The following SCN11A variants were observed in gnomAD, a reference collection of about 807,000 sequenced individuals.
The protein encoded by SCN11A is sodium channel protein type 11 subunit alpha.
A neutral mutation model predicts 162.2 loss-of-function variants in SCN11A; 122 were observed. The observed-to-expected ratio is 0.75, with a 90% CI of 0.65 to 0.87. The LOEUF is 0.87. SCN11A is among the 40% of genes least tolerant of loss of function. The pLI is 0.00. For synonymous variants in SCN11A, 758 were observed against 751.5 expected (o/e 1.01, Z -0.14); for missense variants, 2,015 against 2,181.6 (o/e 0.92, Z 1.52).
At chr3:38,932,035 T>G (rs779724778) in intron 7 of SCN11A, among the ~76,000 whole-genome samples, 1 of 152,200 alleles carries the variant, frequency 6.6e-6, no homozygotes, top group Admixed American at 6.5e-5. Context: ...CAAATGTTAC[T>G]ATAAACATCC....
At chr3:38,872,915 C>T (rs1426307581) in intron 23 of SCN11A, among the ~76,000 whole-genome samples, 3 of 152,062 alleles carry the variant, frequency 2.0e-5, no homozygotes, top group Admixed American at 2.0e-4. Flanking sequence ...CAACATTTTT[C>T]TTAGTTTGAA....
At chr3:39,047,316 C>A (rs1575373868) in intron 1 of SCN11A, among the ~76,000 whole-genome samples, 1 of 151,854 alleles carries the variant, frequency 6.6e-6, no homozygotes, top group East Asian at 1.9e-4. Context: ...GAAAACTGAC[C>A]CCCTATATGA....
At chr3:38,911,134 T>C (rs1266065867) in intron 11 of SCN11A, among the ~76,000 whole-genome samples, 1 of 152,228 alleles carries the variant, frequency 6.6e-6, no homozygotes, top group Non-Finnish European at 1.5e-5. Context: ...AACTTCTTGC[T>C]ATGGTAGACA....
intron 29 of SCN11A, among the ~76,000 whole-genome samples, chr3:38,848,897 G>A (rs2064723249): frequency 6.6e-6 from 1 of 152,298 alleles, no homozygotes; most frequent in African/African-American, 2.4e-5. Flanking sequence ...TTAGGAAAGA[G>A]CTTGGAAAAG....
intron 12 of SCN11A, among the ~76,000 whole-genome samples, chr3:38,909,745 G>A (rs1170556777): frequency 6.6e-6 from 1 of 151,824 alleles, no homozygotes; most frequent in African/African-American, 2.4e-5. Flanking sequence ...ACCATGCCCT[G>A]CTAATTTTTG....
At chr3:38,974,930 T>C (rs1332110493) in intron 2 of SCN11A, among the ~76,000 whole-genome samples, 1 of 150,814 alleles carries the variant, frequency 6.6e-6, no homozygotes, top group Non-Finnish European at 1.5e-5. Context: ...TAGTGAAATT[T>C]TGAAACATCA....
intron 2 of SCN11A, among the ~76,000 whole-genome samples, chr3:38,983,364 G>A (rs2030126947): frequency 6.6e-6 from 1 of 152,186 alleles, no homozygotes; most frequent in African/African-American, 2.4e-5. Flanking sequence ...AGAAAGAACA[G>A]GCTTTGGGAG....
Position 38,950,219 on chromosome 3 carries a change from G to A in SCN11A, c.144C>T (p.Pro48=). The A allele has an allele frequency of 6.2e-7, 1 of 1,613,938 alleles. No homozygotes were observed. The highest frequency in any genetic ancestry group is 8.5e-7 in the Non-Finnish European group (1 of 1,179,992). ...TTAGGTCAAGCTGAGGCCGAGGCTG[G>A]GGTACTTCTCCTGTCTGGTCTTTAG... ...KKSKDQTGEV[P]QPRPQLDLKA... The change falls in exon 5 of 30, where the codon CCC becomes CCT. Residue 48 remains proline (P), a synonymous_variant. Coordinates refer to ENST00000302328, the MANE Select transcript of SCN11A (RefSeq NM_001349253.2).
intron 2 of SCN11A, among the ~76,000 whole-genome samples, chr3:39,013,037 G>A (rs1358232789): frequency 6.6e-6 from 1 of 152,108 alleles, no homozygotes; most frequent in Non-Finnish European, 1.5e-5. Flanking sequence ...GTTTATAAAT[G>A]CAAGATAAAT....
At chr3:39,027,700 C>G (rs1450259234) in intron 2 of SCN11A, among the ~76,000 whole-genome samples, 1 of 152,168 alleles carries the variant, frequency 6.6e-6, no homozygotes, top group South Asian at 2.1e-4. Context: ...CAGATACTAC[C>G]AAGGTTGAAG....
chr3:38,979,445 C>A lies in SCN11A; in HGVS notation c.-279-19022G>T, dbSNP rs149342513. Among the ~76,000 whole-genome samples the A allele has an allele frequency of 7.6e-4, 116 of 152,270 alleles. 2 individuals are homozygous for A. Among genetic ancestry groups the A allele is most frequent in the African/African-American group, 2.8e-3 (115 of 41,552 alleles). ...TGCTCACAAGTTTTGAGAGTCAGTG[C>A]TTTCTGAATCTTCTGAGTCCTCCAG... On this transcript the variant is annotated intron_variant, in intron 2 of 29. Coordinates refer to ENST00000302328, the MANE Select transcript of SCN11A (RefSeq NM_001349253.2).
At position 38,872,254 on chromosome 3, in the gene SCN11A, G is replaced by T; in HGVS notation, c.3434C>A (p.Ser1145Tyr). The T allele has an allele frequency of 6.2e-7, 1 of 1,610,392 alleles. No homozygotes were observed. The highest frequency in any genetic ancestry group is 1.1e-5 in the South Asian group (1 of 90,964). ...CCTCAGTGCTCGTAGAGTCCGGAAG[G>T]ACTTCAATTCCATTAAGTTAATGAG... ...TTLINLMELK[S>Y]FRTLRALRPL... The change falls in exon 24 of 30, where the codon TCC becomes TAC. Residue 1145 changes from serine (S) to tyrosine (Y), a missense_variant. Physicochemically the swap from Ser to Tyr is moderately radical, Grantham distance 144. Transcript: ENST00000302328.
intron 28 of SCN11A, among the ~76,000 whole-genome samples, chr3:38,862,839 A>G (rs2064985936): frequency 6.6e-6 from 1 of 152,080 alleles, no homozygotes; most frequent in African/African-American, 2.4e-5. Context: ...AATCACCACT[A>G]AAGAACTTAC....
At chr3:38,849,175 G>A (rs1575203750) in intron 29 of SCN11A, 1 of 150,518 alleles carries the variant, frequency 6.6e-6, no homozygotes, top group African/African-American at 2.4e-5. Context: ...TGGAATGAAT[G>A]AGCTTCTCTT....
chr3:38,987,302 C>A (rs1418940149), intron 2 of SCN11A, among the ~76,000 whole-genome samples: 3 of 94,834 alleles, frequency 3.2e-5, no homozygotes, highest in Non-Finnish European at 6.1e-5. Flanking sequence ...CTCTCTCTCT[C>A]TCACACACAC....
chr3:38,907,319 TG>T (rs2065809237), intron 14 of SCN11A, among the ~76,000 whole-genome samples: 1 of 6,102 alleles, frequency 1.6e-4, no homozygotes, highest in Non-Finnish European at 8.0e-4. Flanking sequence ...TATGTGTGTG[TG>T]TGTGTGTGTG....
chr3:38,965,650 C>T (rs1056866625), intron 2 of SCN11A, among the ~76,000 whole-genome samples: 4 of 152,222 alleles, frequency 2.6e-5, no homozygotes, highest in Admixed American at 6.5e-5. Flanking sequence ...TTTCTTCTCA[C>T]GCATTTCCCA....
intron 28 of SCN11A, among the ~76,000 whole-genome samples, chr3:38,857,475 T>G (rs1361675793): frequency 6.6e-6 from 1 of 151,900 alleles, no homozygotes; most frequent in East Asian, 1.9e-4. Context: ...GTTTAAAAAA[T>G]GAATGAAGCC....
intron 2 of SCN11A, among the ~76,000 whole-genome samples, chr3:39,021,029 A>G (rs1279665412): frequency 6.6e-6 from 1 of 151,640 alleles, no homozygotes; most frequent in Non-Finnish European, 1.5e-5. Context: ...CCTTCTGACC[A>G]TAAGATCTGT....
Sources: gnomAD v4.1 joint callset for allele counts (sites outside exome capture counted in the v4.1 genomes callset) on GRCh38, gnomAD v4.1.1 for gene constraint, MANE v1.5 for transcripts, NCBI Gene and HGNC (gene_info 2026-07-23, HGNC 2026-07-21) for gene names.